The following CSMD2 variants were observed in gnomAD, a reference collection of about 807,000 sequenced individuals.
CSMD2 encodes CUB and Sushi multiple domains 2, also known as CUB and sushi domain-containing protein 2.
In CSMD2, 130 loss-of-function variants were observed where a neutral mutation model predicts 398.5. The ratio of observed to expected loss-of-function variants is 0.33; its 90% CI spans 0.28 to 0.38. The LOEUF (loss-of-function observed/expected upper bound fraction) is 0.38. Ranked by LOEUF, CSMD2 falls within the 10% of genes least tolerant of loss-of-function variation. The pLI is 1.00. For missense variants in CSMD2, 3,829 were observed against 4,764.9 expected, an observed-to-expected ratio of 0.80 and a Z score of 5.78; for synonymous variants, 1,828 against 1,908.5, an observed-to-expected ratio of 0.96 and a Z score of 1.10.
Position 34,069,530 on chromosome 1 carries a change from T to C in CSMD2, c.404+19447A>G, listed in dbSNP as rs564014190. Among the ~76,000 whole-genome samples, 6 of 152,118 alleles carry C rather than the reference T, an allele frequency of 3.9e-5. No individual in the cohort carries two copies. In the South Asian group the frequency reaches 1.2e-3, roughly 32 times the overall value. Reference sequence around the variant, plus strand: ...GGGTACTTGTCCAAAGTCAAAGAGGTAGTAAATGGTAAAGGCAGGATTCAA... The same window carrying C: ...GGGTACTTGTCCAAAGTCAAAGAGGCAGTAAATGGTAAAGGCAGGATTCAA... On this transcript the variant is annotated intron_variant, in intron 2 of 70. Coordinates refer to ENST00000373381, the MANE Select transcript of CSMD2 (RefSeq NM_001281956.2).
rs372328791 is a variant in CSMD2, at chr1:33,631,770, A to G, written c.5200+1652T>C. ...TTAATATAAACGTGAGTTCACCCTA[A>G]TTTAACGTGTAAGTTTTATTAAATC... On this transcript the variant is annotated intron_variant, in intron 32 of 70. Transcript: ENST00000373381. Among the ~76,000 whole-genome samples the G allele has an allele frequency of 5.9e-5, 9 of 152,140 alleles. No homozygotes were observed. In the East Asian group the frequency reaches 1.3e-3, roughly 23 times the overall value.
chr1:33,778,582 C>T (rs1003835712), intron 12 of CSMD2, among the ~76,000 whole-genome samples: 2 of 152,048 alleles, frequency 1.3e-5, no homozygotes, highest in African/African-American at 4.8e-5. Flanking sequence ...CGGCACTTAG[C>T]ACAGTCCCTG....
chr1:33,914,115 T>C (rs1643601020), intron 5 of CSMD2, among the ~76,000 whole-genome samples: 1 of 152,096 alleles, frequency 6.6e-6, no homozygotes, highest in African/African-American at 2.4e-5. Context: ...GAGAGTGTTT[T>C]CTTAGAACGT....
At chr1:33,751,936 T>TTTTTG (rs1387776644) in intron 13 of CSMD2, among the ~76,000 whole-genome samples, 1 of 152,116 alleles carries the variant, frequency 6.6e-6, no homozygotes, top group Admixed American at 6.5e-5. Flanking sequence ...AGTTGGGTGT[T>TTTTTG]TTTTGTTTTG....
At chr1:33,871,154 C>A (rs1245862871) in intron 5 of CSMD2, 1 of 152,178 alleles carries the variant, frequency 6.6e-6, no homozygotes, top group Non-Finnish European at 1.5e-5. Context: ...GGCACTAAGG[C>A]TTCAGATAAT....
intron 1 of CSMD2, among the ~76,000 whole-genome samples, chr1:34,122,332 C>T (rs915358707): frequency 1.7e-4 from 26 of 152,086 alleles, no homozygotes; most frequent in Non-Finnish European, 3.4e-4. Context: ...GCACCTTTTT[C>T]ATCTTTACCA....
chr1:34,049,484 T>C (rs1299366775), intron 2 of CSMD2, among the ~76,000 whole-genome samples: 1 of 152,108 alleles, frequency 6.6e-6, no homozygotes, highest in Non-Finnish European at 1.5e-5. Context: ...GCCTGGACCC[T>C]TAGGATAACT....
intron 28 of CSMD2, 21 bp from the exon 29 acceptor site, chr1:33,646,856 AC>A: frequency 1.3e-6 from 2 of 1,569,368 alleles, no homozygotes; most frequent in Non-Finnish European, 8.7e-7. Context: ...AAAACATCCC[AC>A]CCCCACCCCA....
intron 15 of CSMD2, among the ~76,000 whole-genome samples, chr1:33,732,111 T>C (rs563860832): frequency 5.9e-5 from 9 of 152,276 alleles, no homozygotes; most frequent in African/African-American, 1.9e-4. Flanking sequence ...CACATGTCTG[T>C]GTGCGTGCAC....
At chr1:34,088,901 C>A (rs1234736569) in intron 2 of CSMD2, 76 bp downstream of exon 2, 2 of 1,241,102 alleles carry the variant, frequency 1.6e-6, no homozygotes, top group Non-Finnish European at 2.4e-6. Context: ...ACTTTTCACT[C>A]GAGAAAGATC....
chr1:33,908,085 C>CAAAAAAAAAA (rs35932181), intron 5 of CSMD2, among the ~76,000 whole-genome samples: 1 of 77,164 alleles, frequency 1.3e-5, no homozygotes, highest in African/African-American at 6.1e-5. Context: ...GACTCCATCT[C>CAAAAAAAAAA]AAAAAAAAAA....
chr1:33,733,914 G>A (rs1424975867), intron 15 of CSMD2, among the ~76,000 whole-genome samples: 1 of 152,152 alleles, frequency 6.6e-6, no homozygotes, highest in African/African-American at 2.4e-5. Flanking sequence ...CAATTGGCCT[G>A]GTATTTAGCA....
intron 6 of CSMD2, among the ~76,000 whole-genome samples, chr1:33,827,168 A>C (rs1031203980): frequency 2.0e-5 from 3 of 152,174 alleles, no homozygotes; most frequent in Non-Finnish European, 2.9e-5. Flanking sequence ...GTCTGTCCTT[A>C]GCACAAGAAC....
At chr1:33,886,485 A>G (rs1464824492) in intron 5 of CSMD2, among the ~76,000 whole-genome samples, 1 of 152,182 alleles carries the variant, frequency 6.6e-6, no homozygotes, top group Non-Finnish European at 1.5e-5. Context: ...AATGTCAGAA[A>G]AGAAGAATCC....
intron 28 of CSMD2, among the ~76,000 whole-genome samples, chr1:33,650,100 G>A (rs186620689): frequency 6.6e-6 from 1 of 152,286 alleles, no homozygotes; most frequent in African/African-American, 2.4e-5. Context: ...GGTCACAAAT[G>A]ATGGCATCAC....
At position 33,514,280 on chromosome 1, in the gene CSMD2, C is replaced by T. The variant is rs1570584007; in HGVS notation, c.*2344G>A. On this transcript the variant is annotated 3_prime_UTR_variant, in exon 71 of 71. Coordinates refer to ENST00000373381, the MANE Select transcript of CSMD2 (RefSeq NM_001281956.2). Reference sequence around the variant, plus strand: ...ACAATAATGAAAAAAAAATTTACACCTTTTTTTTTTTCTTTTTTGGTACTG... The same window carrying T: ...ACAATAATGAAAAAAAAATTTACACTTTTTTTTTTTTCTTTTTTGGTACTG... The T allele has an allele frequency of 6.8e-6, 1 of 147,324 alleles. No homozygotes were observed. The highest frequency in any genetic ancestry group is 2.1e-4 in the South Asian group (1 of 4,682). The allele number at this position is 147,324 out of a possible 1,614,324, so 9.1% of individuals were successfully genotyped here.
At chr1:33,997,012 G>A (rs1646747508) in intron 3 of CSMD2, among the ~76,000 whole-genome samples, 1 of 152,184 alleles carries the variant, frequency 6.6e-6, no homozygotes, top group African/African-American at 2.4e-5. Context: ...CTTTCTCAAG[G>A]TCATACAATG....
intron 4 of CSMD2, among the ~76,000 whole-genome samples, chr1:33,932,677 T>C (rs1221735037): frequency 6.6e-6 from 1 of 152,190 alleles, no homozygotes; most frequent in African/African-American, 2.4e-5. Flanking sequence ...AAGACCTCCA[T>C]GAGGTGCCCC....
At chr1:33,783,459 C>G (rs1210471521) in intron 12 of CSMD2, among the ~76,000 whole-genome samples, 1 of 148,596 alleles carries the variant, frequency 6.7e-6, no homozygotes, top group Non-Finnish European at 1.5e-5. Flanking sequence ...CTCTCTCTCT[C>G]TCTCTCTCTC....
Sources: allele counts gnomAD v4.1 joint callset (sites outside exome capture counted in the v4.1 genomes callset), GRCh38; gene constraint gnomAD v4.1.1; transcripts MANE v1.5; gene names NCBI Gene and HGNC (gene_info 2026-07-23, HGNC 2026-07-21).